The following SELENOF variants were observed in gnomAD, a reference collection of about 807,000 sequenced individuals.
SELENOF encodes the protein 15 kDa selenoprotein.
In SELENOF, 16 loss-of-function variants were observed where a neutral mutation model predicts 20.5. The observed-to-expected ratio is 0.78, with a 90% CI of 0.53 to 1.19. The LOEUF is 1.19. SELENOF is among the 50% of genes most tolerant of loss of function. The pLI, the probability that SELENOF is intolerant of heterozygous loss-of-function variation, is 0.00. For synonymous variants in SELENOF, 78 were observed against 74.5 expected, an observed-to-expected ratio of 1.05 and a Z score of -0.24; for missense variants, 215 against 194.2, an observed-to-expected ratio of 1.11 and a Z score of -0.64.
At chr1:86,904,368 T>C (rs1012592147) in intron 1 of SELENOF, among the ~76,000 whole-genome samples, 1 of 152,232 alleles carries the variant, frequency 6.6e-6, no homozygotes, top group Non-Finnish European at 1.5e-5. Flanking sequence ...TTGCTATGGT[T>C]ACCTTACATA....
intron 4 of SELENOF, among the ~76,000 whole-genome samples, chr1:86,866,364 C>T (rs72945867): frequency 0.024 from 3,554 of 148,296 alleles, 74 homozygotes; most frequent in African/African-American, 0.05. Context: ...AGGACAAATA[C>T]TATATGATTC....
intron 2 of SELENOF, among the ~76,000 whole-genome samples, chr1:86,892,988 A>C (rs1659427509): frequency 6.6e-6 from 1 of 152,158 alleles, no homozygotes; most frequent in Non-Finnish European, 1.5e-5. Flanking sequence ...ACATTTTCAA[A>C]ATAAAAGGTA....
intron 2 of SELENOF, among the ~76,000 whole-genome samples, chr1:86,900,661 G>GGGAGAC (rs1557469506): frequency 1.3e-5 from 2 of 151,732 alleles, no homozygotes; most frequent in African/African-American, 2.4e-5. Flanking sequence ...GAGAGGGAGA[G>GGGAGAC]GGAGACGGAG....
chr1:86,884,376 C>T (rs541556296), intron 2 of SELENOF, among the ~76,000 whole-genome samples: 1 of 146,460 alleles, frequency 6.8e-6, no homozygotes, highest in South Asian at 2.2e-4. Context: ...CACACACACA[C>T]ATATACACAC....
In SELENOF at chr1:86,862,514, A is replaced by G. The variant is rs1019415528; in HGVS notation, c.*960T>C. 5 of 152,170 alleles carry G rather than the reference A, an allele frequency of 3.3e-5. No individual in the cohort carries two copies. The highest frequency in any genetic ancestry group is 1.2e-4 in the African/African-American group (5 of 41,458). The allele number at this position is 152,170 out of a possible 1,614,324, so 9.4% of individuals were successfully genotyped here. A position where few individuals can be genotyped will look rare whatever the true frequency, so the allele number is the denominator to read the frequency against. The stretch of plus-strand genomic sequence containing the variant: ...GAGATATTCCTTAAATAATATACCA[A>G]TGAAAATGTGTTCATAAATGAAAAA... On this transcript the variant is annotated 3_prime_UTR_variant, in exon 5 of 5. Coordinates refer to ENST00000331835, the MANE Select transcript of SELENOF (RefSeq NM_004261.5).
chr1:86,868,879 T>C (rs182258456), intron 3 of SELENOF, among the ~76,000 whole-genome samples: 10 of 152,100 alleles, frequency 6.6e-5, no homozygotes, highest in Admixed American at 5.9e-4. Context: ...AAAATAAAAA[T>C]GATAAACTGA....
intron 1 of SELENOF, among the ~76,000 whole-genome samples, chr1:86,904,318 A>T (rs1659776805): frequency 6.6e-6 from 1 of 152,110 alleles, no homozygotes; most frequent in Admixed American, 6.5e-5. Context: ...TAATTTCCTC[A>T]CTCATAAATT....
At chr1:86,914,314 C>G (rs1001919992), upstream of SELENOF, 14 of 593,474 alleles carry the variant, frequency 2.4e-5, no homozygotes, top group African/African-American at 7.5e-5. Context: ...CAGGCACTTG[C>G]CTAAACTCCC....
At chr1:86,897,473 A>T (rs1223649340) in intron 2 of SELENOF, among the ~76,000 whole-genome samples, 1 of 152,210 alleles carries the variant, frequency 6.6e-6, no homozygotes, top group Admixed American at 6.5e-5. Context: ...GTCTAAGAAG[A>T]TGGGAAGCTG....
chr1:86,876,887 A>G (rs556168074), intron 3 of SELENOF, among the ~76,000 whole-genome samples: 1 of 152,358 alleles, frequency 6.6e-6, no homozygotes, highest in South Asian at 2.1e-4. Context: ...AAAACAGTAG[A>G]AAGAGAAGCC....
chr1:86,869,808 G>A (rs540815691), intron 3 of SELENOF, among the ~76,000 whole-genome samples: 9 of 150,752 alleles, frequency 6.0e-5, no homozygotes, highest in African/African-American at 2.2e-4. Flanking sequence ...GGTCAGCCTC[G>A]GTCTTGCCCA....
At chr1:86,873,230 C>T (rs1658831182) in intron 3 of SELENOF, among the ~76,000 whole-genome samples, 1 of 152,150 alleles carries the variant, frequency 6.6e-6, no homozygotes, top group Non-Finnish European at 1.5e-5. Context: ...GCACTCCAGC[C>T]TGGACAACAC....
intron 3 of SELENOF, among the ~76,000 whole-genome samples, chr1:86,872,781 G>C (rs1398831170): frequency 6.6e-6 from 1 of 152,002 alleles, no homozygotes; most frequent in Non-Finnish European, 1.5e-5. Context: ...GGTAGCTCAC[G>C]CCTGTAATCC....
At chr1:86,866,936 C>T (rs953048993) in intron 4 of SELENOF, among the ~76,000 whole-genome samples, 5 of 152,122 alleles carry the variant, frequency 3.3e-5, no homozygotes, top group African/African-American at 1.2e-4. Flanking sequence ...CTGTATGACC[C>T]AGCAATTGCA....
intron 3 of SELENOF, among the ~76,000 whole-genome samples, chr1:86,875,631 G>A (rs1212579092): frequency 2.0e-5 from 3 of 152,040 alleles, no homozygotes; most frequent in Non-Finnish European, 4.4e-5. Flanking sequence ...TAGATTTTGG[G>A]TATATCAATG....
intron 3 of SELENOF, among the ~76,000 whole-genome samples, chr1:86,876,609 T>C (rs1658929400): frequency 6.6e-6 from 1 of 152,210 alleles, no homozygotes; most frequent in African/African-American, 2.4e-5. Flanking sequence ...CAAAACTTTA[T>C]GTAAAGATAT....
At chr1:86,869,151 T>C (rs1658688077) in intron 3 of SELENOF, among the ~76,000 whole-genome samples, 1 of 152,132 alleles carries the variant, frequency 6.6e-6, no homozygotes, top group Non-Finnish European at 1.5e-5. Context: ...GGAATATAAA[T>C]AGGCACATCC....
chr1:86,874,026 T>C (rs1658859584), intron 3 of SELENOF, among the ~76,000 whole-genome samples: 1 of 151,808 alleles, frequency 6.6e-6, no homozygotes, highest in Non-Finnish European at 1.5e-5. Flanking sequence ...AAATTCCAAA[T>C]TCTCAAATGT....
At chr1:86,902,559 A>T (rs1447050084) in intron 2 of SELENOF, among the ~76,000 whole-genome samples, 6 of 152,138 alleles carry the variant, frequency 3.9e-5, no homozygotes, top group Non-Finnish European at 7.4e-5. Flanking sequence ...ATATGCTAAC[A>T]TTTTTTTCTC....
Sources: allele counts gnomAD v4.1 joint callset (sites outside exome capture counted in the v4.1 genomes callset), GRCh38; gene constraint gnomAD v4.1.1; transcripts MANE v1.5; gene names NCBI Gene and HGNC (gene_info 2026-07-23, HGNC 2026-07-21).